Variants in LYNX1 observed in about 807,000 individuals in gnomAD.
LYNX1 encodes ly-6/neurotoxin-like protein 1.
A neutral mutation model predicts 8.3 loss-of-function variants in LYNX1; 8 were observed. That is an observed-to-expected ratio of 0.97 (90% CI 0.57 to 1.74). The LOEUF is 1.74. Among genes scored for constraint, LYNX1 ranks in the 40% most tolerant of loss-of-function variants. LYNX1 has a pLI of 0.00. For synonymous variants in LYNX1, 73 were observed against 67.9 expected (o/e 1.08, Z -0.37); for missense variants, 158 against 159.7 (o/e 0.99, Z 0.06).
rs1815281356 is a variant in LYNX1, at chr8:142,773,823, G to A, written c.*1344C>T. 2 of 985,260 alleles carry A rather than the reference G, an allele frequency of 2.0e-6. No homozygotes were observed. The highest frequency in any genetic ancestry group is 5.2e-4 in the Middle Eastern group (1 of 1,938). The allele number at this position is 985,260 out of a possible 1,614,324, so 61.0% of individuals were successfully genotyped here. On this transcript the variant is annotated 3_prime_UTR_variant, in exon 4 of 4. Transcript: ENST00000652477. ...CTGCCCATGCGGGATGGCTTGAAGGGTTTCTCAGGACACCAGAGCTGGGAG... is the reference window on the plus strand; with the variant it reads ...CTGCCCATGCGGGATGGCTTGAAGGATTTCTCAGGACACCAGAGCTGGGAG...
Position 142,771,530 on chromosome 8 carries a change from G to T in LYNX1, c.*3637C>A. ...GGTGGCTCTGTCCACCCTTCTGTCTGGGAGGCTCCTTAAGGCTGGGGAGGG... is the reference window on the plus strand; with the variant it reads ...GGTGGCTCTGTCCACCCTTCTGTCTTGGAGGCTCCTTAAGGCTGGGGAGGG... On this transcript the variant is annotated 3_prime_UTR_variant, in exon 4 of 4. Transcript: ENST00000652477. 1.0e-6 allele frequency: 1 copy of T among 985,390 alleles called. No individual in the cohort carries two copies. 61.0% of individuals were successfully genotyped at this position (985,390 alleles called of 1,614,324 possible).
chr8:142,774,181 C>A lies in LYNX1; in HGVS notation c.*986G>T. 1 of 984,354 alleles carries A rather than the reference C, an allele frequency of 1.0e-6. No individual in the cohort carries two copies. Among genetic ancestry groups the A allele is most frequent in the African/African-American group, 1.8e-5 (1 of 57,020 alleles). 61.0% of individuals were successfully genotyped at this position (984,354 alleles called of 1,614,324 possible). A position where few individuals can be genotyped will look rare whatever the true frequency, so the allele number is the denominator to read the frequency against. ...CCCACCCTCCCCACTCCCGCCCCCG[C>A]ACGGCCACGAGAGGGTGGCATGCTC... On this transcript the variant is annotated 3_prime_UTR_variant, in exon 4 of 4. Coordinates refer to ENST00000652477, the MANE Select transcript of LYNX1 (RefSeq NM_177477.4).
At chr8:142,777,744 G>A (rs1333144219), upstream of LYNX1, 4 of 397,572 alleles carry the variant, frequency 1.0e-5, no homozygotes, top group Admixed American at 4.4e-5. Flanking sequence ...ATTCCCTGGC[G>A]ACCCTCAGAC....
intron 3 of LYNX1, 33 bp from the exon 4 acceptor site, chr8:142,775,396 C>T (rs761595613): frequency 1.9e-6 from 3 of 1,606,824 alleles, no homozygotes; most frequent in African/African-American, 1.3e-5. Context: ...GCCAGCTCCG[C>T]TAAGAGGGGC....
chr8:142,777,079 C>T (rs1477872773), intron 1 of LYNX1, 27 bp downstream of exon 1: 3 of 152,212 alleles, frequency 2.0e-5, no homozygotes, highest in Non-Finnish European at 4.4e-5. Context: ...GCTCTCGGCG[C>T]GAGCGGGACT....
rs1815252258 is a variant in LYNX1, at chr8:142,773,152, T to C, written c.*2015A>G. Reference sequence around the variant, plus strand: ...ACTGCTCCCAGCCTCTCCCAAGGACTTAGGAGCCCAAAGCCGCCTCCCTCC... The same window carrying C: ...ACTGCTCCCAGCCTCTCCCAAGGACCTAGGAGCCCAAAGCCGCCTCCCTCC... On this transcript the variant is annotated 3_prime_UTR_variant, in exon 4 of 4. Coordinates refer to ENST00000652477, the MANE Select transcript of LYNX1 (RefSeq NM_177477.4). 2.0e-6 allele frequency: 2 copies of C among 985,594 alleles called. No individual in the cohort carries two copies. Among genetic ancestry groups the C allele is most frequent in the Non-Finnish European group, 2.4e-6 (2 of 830,076 alleles). The allele number at this position is 985,594 out of a possible 1,614,324, so 61.1% of individuals were successfully genotyped here.
intron 3 of LYNX1, 60 bp from the exon 4 acceptor site, chr8:142,775,423 C>A: frequency 1.9e-6 from 3 of 1,593,634 alleles, no homozygotes; most frequent in South Asian, 1.1e-5. Context: ...CCCAGCTGGC[C>A]CCACCCCAGC....
chr8:142,774,324 G>C lies in LYNX1; in HGVS notation c.*843C>G. Reference sequence around the variant, plus strand: ...TCGGCTGGGTCCTGCTGTGGTTGGGGACCAGGACTCGGGGGACCACCTGCT... The same window carrying C: ...TCGGCTGGGTCCTGCTGTGGTTGGGCACCAGGACTCGGGGGACCACCTGCT... On this transcript the variant is annotated 3_prime_UTR_variant, in exon 4 of 4. Transcript: ENST00000652477. The C allele has an allele frequency of 1.0e-6, 1 of 985,964 alleles. No homozygotes were observed. The highest frequency in any genetic ancestry group is 1.2e-6 in the Non-Finnish European group (1 of 830,328). The allele number at this position is 985,964 out of a possible 1,614,324, so 61.1% of individuals were successfully genotyped here.
rs373239191 is a variant in LYNX1 at position 142,775,322 on chromosome 8, G to A, written c.196C>T (p.Pro66Ser). Reference protein sequence around the residue: ...TRMKVSKSCVPRCFETVYDGY... With the variant: ...TRMKVSKSCVSRCFETVYDGY... ...TCATACACAGTCTCGAAGCAGCGGG[G>A]CACGCAGGACTTACTGACCTTCATC... Residue 66 changes from proline to serine, a missense_variant, in exon 4 of 4, where the codon CCC becomes TCC. Transcript: ENST00000652477. 2.5e-6 allele frequency: 4 copies of A among 1,613,838 alleles called. No individual in the cohort carries two copies. The African/African-American group carries it at 4.0e-5, about 16-fold the overall frequency.
rs1371716885 is a variant in LYNX1, at chr8:142,774,823, C to T, written c.*344G>A. On this transcript the variant is annotated 3_prime_UTR_variant, in exon 4 of 4. Transcript: ENST00000652477. ...GGGCAGACTGAGGCAGGGGCCTCTC[C>T]TAGGGCTTCCCAGAAGGTGGGCTTG... 8.5e-7 allele frequency: 1 copy of T among 1,178,338 alleles called. No individual in the cohort carries two copies. Among genetic ancestry groups the T allele is most frequent in the African/African-American group, 1.6e-5 (1 of 64,422 alleles). 73.0% of individuals were successfully genotyped at this position (1,178,338 alleles called of 1,614,324 possible).
Position 142,775,602 on chromosome 8 carries a change from T to C in LYNX1, c.145A>G (p.Thr49Ala), listed in dbSNP as rs1563840209. The C allele has an allele frequency of 6.3e-7, 1 of 1,593,624 alleles. No individual in the cohort carries two copies. The highest frequency in any genetic ancestry group is 2.3e-5 in the East Asian group (1 of 43,870). ...GGGCCCCCAGACTCACAGGTGCGCG[T>C]GGTCATGCAGTAGGCAACCATAGCC... ...CPAMVAYCMT[T>A]RTYYTPTRMK... The change falls in exon 3 of 4, where the codon ACG (threonine) becomes GCG (alanine). Residue 49 changes from threonine to alanine, a missense_variant. Thr to Ala is a moderately conservative substitution (Grantham distance 58). Coordinates refer to ENST00000652477, the MANE Select transcript of LYNX1 (RefSeq NM_177477.4).
In LYNX1 at chr8:142,775,989, G is replaced by T. The variant is rs200113320; in HGVS notation, c.-32C>A. The T allele has an allele frequency of 1.9e-5, 31 of 1,612,788 alleles. No individual in the cohort carries two copies. The African/African-American group carries it at 3.7e-4, about 19-fold the overall frequency. ...AGGCAGGAGGGCAGCGTGGGAGTGG[G>T]GAGGTCAACAGCAGCTAGCCCTGGA... On this transcript the variant is annotated 5_prime_UTR_variant, in exon 2 of 4. Transcript: ENST00000652477.
At chr8:142,777,206 TGTCCCGCA>T (rs987725857), upstream of LYNX1, 2 of 153,120 alleles carry the variant, frequency 1.3e-5, no homozygotes, top group Non-Finnish European at 2.9e-5. Context: ...CGTGTCTGTG[TGTCCCGCA>T]GCACCCGTGC....
chr8:142,774,145 G>GCCCCGCCCCC lies in LYNX1; in HGVS notation c.*1021_*1022insGGGGGCGGGG. 1.0e-6 allele frequency: 1 copy of GCCCCGCCCCC among 981,860 alleles called. No individual in the cohort carries two copies. Among genetic ancestry groups the GCCCCGCCCCC allele is most frequent in the Non-Finnish European group, 1.2e-6 (1 of 827,994 alleles). The allele number at this position is 981,860 out of a possible 1,614,324, so 60.8% of individuals were successfully genotyped here. On this transcript the variant is annotated 3_prime_UTR_variant, in exon 4 of 4. Transcript: ENST00000652477. ...GCTGCGGGGGAGGGGCTGGGTCTCC[G>GCCCCGCCCCC]CCCTCCCCACCCCACCCTCCCCACT... is the stretch of plus-strand genomic sequence containing the variant.
In LYNX1 at chr8:142,776,053, G is replaced by A. The variant is rs1815412406; in HGVS notation, c.-96C>T. 4.1e-6 allele frequency: 6 copies of A among 1,450,946 alleles called. No homozygotes were observed. Among genetic ancestry groups the A allele is most frequent in the Middle Eastern group, 2.0e-4 (1 of 4,954 alleles). The allele number at this position is 1,450,946 out of a possible 1,614,324, so 89.9% of individuals were successfully genotyped here. A position where few individuals can be genotyped will look rare whatever the true frequency, so the allele number is the denominator to read the frequency against. ...TGGCGCACAGAGGATCCAACTCAGG[G>A]TGGTGCGCAGAGGACGTGGGGCCGG... On this transcript the variant is annotated 5_prime_UTR_variant, in exon 2 of 4. Coordinates refer to ENST00000652477, the MANE Select transcript of LYNX1 (RefSeq NM_177477.4).
Position 142,776,113 on chromosome 8 carries a change from G to A in LYNX1, c.-156C>T, listed in dbSNP as rs575302625. On this transcript the variant is annotated 5_prime_UTR_variant, in exon 2 of 4. Coordinates refer to ENST00000652477, the MANE Select transcript of LYNX1 (RefSeq NM_177477.4). ...CCGGAGCTCCTGGTCTACTGGGAGT[G>A]CTGCAACCCTGCACAGCAGGTGGCA... The A allele has an allele frequency of 1.7e-4, 137 of 817,090 alleles. 3 individuals are homozygous for A. The East Asian group carries it at 3.7e-3, about 22-fold the overall frequency. 50.6% of individuals were successfully genotyped at this position (817,090 alleles called of 1,614,324 possible).
Position 142,777,169 on chromosome 8 carries a change from A to G in LYNX1, c.-228T>C. 1 of 152,580 alleles carries G rather than the reference A, an allele frequency of 6.6e-6. No individual in the cohort carries two copies. Among genetic ancestry groups the G allele is most frequent in the Non-Finnish European group, 1.5e-5 (1 of 68,290 alleles). The allele number at this position is 152,580 out of a possible 1,614,324, so 9.5% of individuals were successfully genotyped here. On this transcript the variant is annotated 5_prime_UTR_variant, in exon 1 of 4. Transcript: ENST00000652477. Reference sequence around the variant, plus strand: ...GAGTCACCCGCGGCCGCTCGCCGGTAGGTGCCTGCCTGAGTCTAATCGTAG... The same window carrying G: ...GAGTCACCCGCGGCCGCTCGCCGGTGGGTGCCTGCCTGAGTCTAATCGTAG...
intron 1 of LYNX1, 83 bp from the exon 2 acceptor site, chr8:142,776,204 G>A (rs946185533): frequency 1.6e-5 from 9 of 557,604 alleles, no homozygotes; most frequent in East Asian, 3.1e-5. Context: ...ATGGTGGGCA[G>A]AGGGGCCACC....
Position 142,771,603 on chromosome 8 carries a change from T to C in LYNX1, c.*3564A>G, listed in dbSNP as rs1815179616. 2 of 985,640 alleles carry C rather than the reference T, an allele frequency of 2.0e-6. No individual in the cohort carries two copies. Among genetic ancestry groups the C allele is most frequent in the Non-Finnish European group, 2.4e-6 (2 of 829,966 alleles). The allele number at this position is 985,640 out of a possible 1,614,324, so 61.1% of individuals were successfully genotyped here. A position where few individuals can be genotyped will look rare whatever the true frequency, so the allele number is the denominator to read the frequency against. On this transcript the variant is annotated 3_prime_UTR_variant, in exon 4 of 4. Transcript: ENST00000652477. Reference sequence around the variant, plus strand: ...GGGGCTGGCAGATTCAGGCCCTCCCTGCGAGCTGAGGTTTGAAGAGGAGAG... The same window carrying C: ...GGGGCTGGCAGATTCAGGCCCTCCCCGCGAGCTGAGGTTTGAAGAGGAGAG...
Sources: allele counts gnomAD v4.1 joint callset, GRCh38; gene constraint gnomAD v4.1.1; transcripts MANE v1.5; gene names NCBI Gene and HGNC (gene_info 2026-07-23, HGNC 2026-07-21).